The following TMEM167A variants were observed in gnomAD, a reference collection of about 807,000 sequenced individuals.
TMEM167A encodes the protein protein kish-A.
A neutral mutation model predicts 11.6 loss-of-function variants in TMEM167A; 8 were observed. The ratio of observed to expected loss-of-function variants is 0.69; its 90% CI spans 0.40 to 1.24. The LOEUF is 1.24. TMEM167A is among the 50% of genes most tolerant of loss of function. The pLI is 0.01. For missense variants in TMEM167A, 62 were observed against 87.0 expected (o/e 0.71, Z 1.14); for synonymous variants, 22 against 28.0 (o/e 0.79, Z 0.67).
At chr5:83,074,272 C>T (rs1157001253) in intron 1 of TMEM167A, among the ~76,000 whole-genome samples, 1 of 152,148 alleles carries the variant, frequency 6.6e-6, no homozygotes, top group East Asian at 1.9e-4. Flanking sequence ...CCTTTATCTA[C>T]GGGATAGAGA....
intron 1 of TMEM167A, 139 bp downstream of exon 1, chr5:83,077,182 C>A: frequency 6.4e-6 from 8 of 1,249,142 alleles, no homozygotes; most frequent in Non-Finnish European, 9.4e-6. Context: ...CTCTGGTTGG[C>A]CGTGGAGGGA....
chr5:83,057,055 T>A lies in TMEM167A; in HGVS notation c.*29A>T. On this transcript the variant is annotated 3_prime_UTR_variant, in exon 4 of 4. Transcript: ENST00000502346. ...AGTCCTTGTTCACAATCAAATCTGA[T>A]GGCAACTACATTCTGGCATTTTCCC... 6.2e-7 allele frequency: 1 copy of A among 1,600,530 alleles called. No individual in the cohort carries two copies. Among genetic ancestry groups the A allele is most frequent in the Non-Finnish European group, 8.5e-7 (1 of 1,169,958 alleles).
chr5:83,067,569 A>C (rs1246810645), intron 1 of TMEM167A, among the ~76,000 whole-genome samples: 1 of 152,050 alleles, frequency 6.6e-6, no homozygotes, highest in African/African-American at 2.4e-5. Context: ...CAGTGGTGGG[A>C]TCTTGGCTCA....
intron 1 of TMEM167A, chr5:83,071,364 T>C (rs1580177943): frequency 1.3e-5 from 2 of 152,200 alleles, no homozygotes; most frequent in East Asian, 3.8e-4. Flanking sequence ...AATACTTACT[T>C]CTTTTACATG....
intron 1 of TMEM167A, among the ~76,000 whole-genome samples, chr5:83,071,981 T>C (rs954769114): frequency 6.6e-5 from 10 of 152,350 alleles, no homozygotes; most frequent in African/African-American, 2.4e-4. Flanking sequence ...ACCAGTCATA[T>C]TTTAAAAATG....
At chr5:83,067,735 A>T (rs145969297) in intron 1 of TMEM167A, among the ~76,000 whole-genome samples, 10 of 151,776 alleles carry the variant, frequency 6.6e-5, no homozygotes, top group African/African-American at 2.4e-4. Context: ...CTGGACTCAA[A>T]CTCTTGATCT....
intron 1 of TMEM167A, among the ~76,000 whole-genome samples, chr5:83,069,265 A>C (rs1744528312): frequency 6.6e-6 from 1 of 152,100 alleles, no homozygotes; most frequent in Middle Eastern, 3.2e-3. Flanking sequence ...ATTCCCCTTA[A>C]TGCTTAGCAT....
Position 83,054,028 on chromosome 5 carries a change from A to G in TMEM167A, c.*3056T>C, listed in dbSNP as rs1179691334. On this transcript the variant is annotated 3_prime_UTR_variant, in exon 4 of 4. Transcript: ENST00000502346. ...TACCAGTGCTAACTCTTTTTCACAA[A>G]ACCAGGCAGAGATCTGCTCATTTTT... 6.6e-6 allele frequency: 1 copy of G among 152,056 alleles called. No homozygotes were observed. The highest frequency in any genetic ancestry group is 2.4e-5 in the African/African-American group (1 of 41,416). The allele number at this position is 152,056 out of a possible 1,614,324, so 9.4% of individuals were successfully genotyped here.
At chr5:83,060,937 A>G (rs1046649598) in intron 3 of TMEM167A, among the ~76,000 whole-genome samples, 6 of 152,188 alleles carry the variant, frequency 3.9e-5, no homozygotes, top group Non-Finnish European at 7.3e-5. Context: ...TAAATGTTAC[A>G]TATACAGGGT....
intron 1 of TMEM167A, among the ~76,000 whole-genome samples, chr5:83,072,137 G>A (rs1264091600): frequency 6.6e-6 from 1 of 152,088 alleles, no homozygotes; most frequent in Non-Finnish European, 1.5e-5. Context: ...CATTATCATG[G>A]TACCTACAAT....
chr5:83,071,502 G>T (rs1383416589), intron 1 of TMEM167A: 1 of 152,042 alleles, frequency 6.6e-6, no homozygotes, highest in Non-Finnish European at 1.5e-5. Flanking sequence ...TCTAGGTCAG[G>T]TCAGCATTTT....
At chr5:83,064,554 G>T (rs1199469087) in intron 2 of TMEM167A, among the ~76,000 whole-genome samples, 1 of 152,068 alleles carries the variant, frequency 6.6e-6, no homozygotes, top group Non-Finnish European at 1.5e-5. Context: ...AGAAGGGAAA[G>T]ATACAATGAA....
chr5:83,064,136 C>G (rs186203774), intron 2 of TMEM167A: 3 of 409,050 alleles, frequency 7.3e-6, no homozygotes, highest in Non-Finnish European at 9.6e-6. Context: ...TTAAAAAAAG[C>G]TTTCAAACAG....
In TMEM167A at chr5:83,055,636, C is replaced by CA. The variant is rs919947547; in HGVS notation, c.*1447dup. ...AAAATACAGAAAATCAAACCAAAAC[C>CA]AAAAAACACCCCCAAACAAAAAACC... On this transcript the variant is annotated 3_prime_UTR_variant, in exon 4 of 4. Transcript: ENST00000502346. 1 of 151,616 alleles carries CA rather than the reference C, an allele frequency of 6.6e-6. No homozygotes were observed. The highest frequency in any genetic ancestry group is 2.4e-5 in the African/African-American group (1 of 41,304). The allele number at this position is 151,616 out of a possible 1,614,324, so 9.4% of individuals were successfully genotyped here.
At chr5:83,059,833 C>T (rs1744381495) in intron 3 of TMEM167A, among the ~76,000 whole-genome samples, 1 of 151,938 alleles carries the variant, frequency 6.6e-6, no homozygotes, top group Admixed American at 6.6e-5. Context: ...ACATCCCTCA[C>T]CTATACCCAC....
In TMEM167A at chr5:83,054,201, T is replaced by C. The variant is rs1744296669; in HGVS notation, c.*2883A>G. 1 of 151,986 alleles carries C rather than the reference T, an allele frequency of 6.6e-6. No homozygotes were observed. The highest frequency in any genetic ancestry group is 2.4e-5 in the African/African-American group (1 of 41,416). The allele number at this position is 151,986 out of a possible 1,614,324, so 9.4% of individuals were successfully genotyped here. On this transcript the variant is annotated 3_prime_UTR_variant, in exon 4 of 4. Coordinates refer to ENST00000502346, the MANE Select transcript of TMEM167A (RefSeq NM_174909.5). ...GAAAGAGCGATTTTGAACCTGAACA[T>C]ATAAAAGCATTCAAGATAGTGTCTG...
chr5:83,072,885 C>T (rs1484018018), intron 1 of TMEM167A, among the ~76,000 whole-genome samples: 1 of 152,020 alleles, frequency 6.6e-6, no homozygotes, highest in Non-Finnish European at 1.5e-5. Flanking sequence ...TTCATGGAAC[C>T]CTTTCATGGG....
chr5:83,061,270 C>T (rs1010606423), intron 3 of TMEM167A, among the ~76,000 whole-genome samples: 2 of 152,190 alleles, frequency 1.3e-5, no homozygotes, highest in Non-Finnish European at 2.9e-5. Flanking sequence ...ACAGCATGCT[C>T]TATACTTCTA....
chr5:83,053,707 G>C lies in TMEM167A; in HGVS notation c.*3377C>G, dbSNP rs1037584366. On this transcript the variant is annotated 3_prime_UTR_variant, in exon 4 of 4. Transcript: ENST00000502346. ...AATACTCCCGAAGTGGCACAAGCTA[G>C]GTTATTTCTAGTTCTTAACAGACTA... 2.0e-5 allele frequency: 3 copies of C among 151,960 alleles called. No homozygotes were observed. Among genetic ancestry groups the C allele is most frequent in the African/African-American group, 7.2e-5 (3 of 41,400 alleles). 9.4% of individuals were successfully genotyped at this position (151,960 alleles called of 1,614,324 possible). A position where few individuals can be genotyped will look rare whatever the true frequency, so the allele number is the denominator to read the frequency against.
Sources: allele counts gnomAD v4.1 joint callset (sites outside exome capture counted in the v4.1 genomes callset), GRCh38; gene constraint gnomAD v4.1.1; transcripts MANE v1.5; gene names NCBI Gene and HGNC (gene_info 2026-07-23, HGNC 2026-07-21).